The following NXN variants were observed in gnomAD, a reference collection of about 807,000 sequenced individuals.
NXN encodes the protein nucleoredoxin.
NXN carries 16 observed loss-of-function variants against 48.6 expected under a neutral mutation model. The observed-to-expected ratio is 0.33, with a 90% CI of 0.22 to 0.50. The LOEUF (loss-of-function observed/expected upper bound fraction) is 0.50. Ranked by LOEUF, NXN falls within the 20% of genes least tolerant of loss-of-function variation. The probability of loss-of-function intolerance (pLI) is 0.98; values close to 1 mark genes in which losing one functional copy is unlikely to be tolerated. For synonymous variants in NXN, 281 were observed against 269.6 expected (o/e 1.04, Z -0.41); for missense variants, 492 against 605.5 (o/e 0.81, Z 1.97).
intron 1 of NXN, among the ~76,000 whole-genome samples, chr17:903,996 T>C (rs1413763119): frequency 6.6e-6 from 1 of 152,144 alleles, no homozygotes; most frequent in Non-Finnish European, 1.5e-5. Context: ...AAGGCTGCAT[T>C]TGTAGACGCA....
intron 1 of NXN, among the ~76,000 whole-genome samples, chr17:936,940 C>T (rs1009340210): frequency 1.1e-4 from 16 of 152,060 alleles, no homozygotes; most frequent in African/African-American, 3.4e-4. Flanking sequence ...CGGTGGCTCA[C>T]GCCTGTAATC....
intron 1 of NXN, among the ~76,000 whole-genome samples, chr17:951,058 C>T (rs188401433): frequency 5.7e-4 from 87 of 151,726 alleles, no homozygotes; most frequent in Admixed American, 2.4e-3. Flanking sequence ...CACTTCCGGC[C>T]GGGCACGGTG....
intron 1 of NXN, among the ~76,000 whole-genome samples, chr17:833,505 C>T (rs1407816157): frequency 1.3e-5 from 2 of 152,248 alleles, no homozygotes; most frequent in African/African-American, 2.4e-5. Flanking sequence ...GTGTGAGGGG[C>T]CCCTCGAGTC....
At chr17:863,492 G>A (rs1036947189) in intron 1 of NXN, among the ~76,000 whole-genome samples, 16 of 151,894 alleles carry the variant, frequency 1.1e-4, no homozygotes, top group Admixed American at 7.2e-4. Context: ...ACAGGGTCTC[G>A]CTCTGTCCCC....
intron 1 of NXN, among the ~76,000 whole-genome samples, chr17:970,686 A>G (rs1463244625): frequency 6.6e-6 from 1 of 152,218 alleles, no homozygotes; most frequent in Non-Finnish European, 1.5e-5. Flanking sequence ...GTGAACAGAA[A>G]GGACCAAGTT....
intron 1 of NXN, among the ~76,000 whole-genome samples, chr17:892,838 T>C (rs1016934141): frequency 6.6e-6 from 1 of 152,308 alleles, no homozygotes; most frequent in African/African-American, 2.4e-5. Flanking sequence ...GAACCAACAG[T>C]GTCCAACACA....
At chr17:923,639 C>T (rs2068769527) in intron 1 of NXN, among the ~76,000 whole-genome samples, 1 of 152,268 alleles carries the variant, frequency 6.6e-6, no homozygotes, top group South Asian at 2.1e-4. Context: ...CTGCAACGTG[C>T]AGGACACTGC....
chr17:888,108 G>A (rs954378436), intron 1 of NXN, among the ~76,000 whole-genome samples: 38 of 152,274 alleles, frequency 2.5e-4, no homozygotes, highest in African/African-American at 7.9e-4. Flanking sequence ...CGCAGGTACC[G>A]TACGGGGTAC....
At chr17:863,761 C>G in intron 1 of NXN, 1 of 610,178 alleles carries the variant, frequency 1.6e-6, no homozygotes, top group Non-Finnish European at 2.9e-6. Context: ...CTGCACCTGG[C>G]TGACACTGTA....
At chr17:828,956 C>A (rs1358245025) in intron 1 of NXN, among the ~76,000 whole-genome samples, 1 of 151,906 alleles carries the variant, frequency 6.6e-6, no homozygotes, top group Non-Finnish European at 1.5e-5. Context: ...AACAGCAAAA[C>A]CACACAAATT....
chr17:805,883 G>A (rs542861288), intron 5 of NXN, among the ~76,000 whole-genome samples: 48 of 152,114 alleles, frequency 3.2e-4, no homozygotes, highest in African/African-American at 1.1e-3. Flanking sequence ...GGGTCATGGC[G>A]CATCGGAGCA....
Position 800,890 on chromosome 17 carries a change from AG to A in NXN, c.*58del. ...CTGGGTAAGTCCAAGGGCGGAAGGA[AG>A]GAGGGGGAGGAGGAGAAGGCTGAGT... is the stretch of plus-strand genomic sequence containing the variant. On this transcript the variant is annotated 3_prime_UTR_variant, in exon 8 of 8. Transcript: ENST00000336868. The A allele has an allele frequency of 8.1e-7, 1 of 1,229,668 alleles. No individual in the cohort carries two copies. The highest frequency in any genetic ancestry group is 1.1e-6 in the Non-Finnish European group (1 of 928,828). The allele number at this position is 1,229,668 out of a possible 1,614,324, so 76.2% of individuals were successfully genotyped here.
At chr17:972,769 C>T (rs1373653436) in intron 1 of NXN, among the ~76,000 whole-genome samples, 2 of 152,322 alleles carry the variant, frequency 1.3e-5, no homozygotes, top group Admixed American at 6.5e-5. Context: ...CGGTGGCTCA[C>T]GCCTGTAATC....
chr17:970,868 T>G (rs168000), intron 1 of NXN, among the ~76,000 whole-genome samples: 2,274 of 152,236 alleles, frequency 0.015, 69 homozygotes, highest in African/African-American at 0.052. Context: ...TTTTGAGTTC[T>G]TTGGAAGAAA....
At chr17:947,257 C>T (rs115324738) in intron 1 of NXN, among the ~76,000 whole-genome samples, 4,536 of 152,160 alleles carry the variant, frequency 0.03, 213 homozygotes, top group African/African-American at 0.1. Flanking sequence ...GTGACGGGGA[C>T]GCGCAGGTGC....
chr17:957,577 A>G (rs1166980803), intron 1 of NXN, among the ~76,000 whole-genome samples: 4 of 151,428 alleles, frequency 2.6e-5, no homozygotes, highest in South Asian at 2.1e-4. Context: ...GGTTGCAGTG[A>G]GCCAAGATCA....
In NXN at chr17:922,814, G is replaced by C. The variant is rs1281042486; in HGVS notation, c.360+56505C>G. Among the ~76,000 whole-genome samples the C allele has an allele frequency of 2.0e-5, 3 of 151,796 alleles. No homozygotes were observed. The East Asian group carries it at 5.9e-4, about 30-fold the overall frequency. ...CTACAGGTGCCCGCCACCACACCCG[G>C]CTAACTTTTTGTATTTTTAGTAGAG... On this transcript the variant is annotated intron_variant, in intron 1 of 7. Coordinates refer to ENST00000336868, the MANE Select transcript of NXN (RefSeq NM_022463.5).
At chr17:837,337 C>G (rs1033099080) in intron 1 of NXN, among the ~76,000 whole-genome samples, 1 of 152,154 alleles carries the variant, frequency 6.6e-6, no homozygotes, top group Admixed American at 6.6e-5. Context: ...AGAGGTAAGG[C>G]CCAGTCTTGG....
intron 1 of NXN, among the ~76,000 whole-genome samples, chr17:875,761 TA>T (rs35059194): frequency 2.7e-3 from 390 of 143,252 alleles, no homozygotes; most frequent in Middle Eastern, 0.011. Context: ...CCTGGTAAAT[TA>T]AAAAAAAAAA....
Sources: allele counts gnomAD v4.1 joint callset (sites outside exome capture counted in the v4.1 genomes callset), GRCh38; gene constraint gnomAD v4.1.1; transcripts MANE v1.5; gene names NCBI Gene and HGNC (gene_info 2026-07-23, HGNC 2026-07-21).